The following FBXL5 variants were observed in gnomAD, a reference collection of about 807,000 sequenced individuals.
FBXL5 encodes F-box and leucine rich repeat protein 5.
In FBXL5, 26 loss-of-function variants were observed where a neutral mutation model predicts 78.3. The ratio of observed to expected loss-of-function variants is 0.33; its 90% confidence interval spans 0.24 to 0.46. The LOEUF (loss-of-function observed/expected upper bound fraction) is 0.46, where lower values mean the gene tolerates loss of function less well. Ranked by LOEUF, FBXL5 falls within the 20% of genes least tolerant of loss-of-function variation. FBXL5 has a pLI of 1.00. For synonymous variants in FBXL5, 295 were observed against 282.5 expected, an observed-to-expected ratio of 1.04 and a Z score of -0.45; for missense variants, 710 against 829.2, an observed-to-expected ratio of 0.86 and a Z score of 1.77.
intron 9 of FBXL5, among the ~76,000 whole-genome samples, chr4:15,623,108 T>C (rs1712650186): frequency 6.6e-6 from 1 of 152,130 alleles, no homozygotes; most frequent in East Asian, 1.9e-4. Context: ...ACTCTCTGCC[T>C]TTTCAGGAAG....
intron 1 of FBXL5, among the ~76,000 whole-genome samples, chr4:15,653,975 T>C (rs966281603): frequency 2.0e-5 from 3 of 152,244 alleles, no homozygotes; most frequent in Admixed American, 6.5e-5. Flanking sequence ...ACAGTCCTGG[T>C]GTTTCCAACT....
In FBXL5 at chr4:15,627,762, T is replaced by C. The variant is rs145078928; in HGVS notation, c.1041+123A>G. ...TAACCTAGCAGTGTATGCCTACCCA[T>C]AGGAAGGCACTCAATAATCATTTTT... On this transcript the variant is annotated intron_variant, in intron 7 of 10. Transcript: ENST00000341285. 4.2e-5 allele frequency: 34 copies of C among 808,822 alleles called. No homozygotes were observed. The East Asian group carries it at 5.9e-4, about 14-fold the overall frequency. The allele number at this position is 808,822 out of a possible 1,614,324, so 50.1% of individuals were successfully genotyped here. A position where few individuals can be genotyped will look rare whatever the true frequency, so the allele number is the denominator to read the frequency against.
In FBXL5 at chr4:15,638,564, T is replaced by C. The variant is rs769107832; in HGVS notation, c.527A>G (p.His176Arg). The change falls in exon 4 of 11, where the codon CAT becomes CGT. Residue 176 changes from histidine to arginine, a missense_variant. His to Arg is a conservative substitution (Grantham distance 29). This residue lies in a region of FBXL5 where 517 missense variants were observed against 542.9 expected (regional missense o/e 0.95). Transcript: ENST00000341285. Reference sequence around the variant, plus strand: ...AAAAAACTTCTGTCGCTCTTCAGCATGATTCCATAGGCTAAGACCTCTAAG... The same window carrying C: ...AAAAAACTTCTGTCGCTCTTCAGCACGATTCCATAGGCTAAGACCTCTAAG... ...ELLRGLSLWN[H>R]AEERQKFFKY... 3 of 1,607,688 alleles carry C rather than the reference T, an allele frequency of 1.9e-6. No homozygotes were observed. Among genetic ancestry groups the C allele is most frequent in the African/African-American group, 2.7e-5 (2 of 74,510 alleles).
intron 1 of FBXL5, among the ~76,000 whole-genome samples, chr4:15,649,174 A>G (rs570976728): frequency 3.3e-5 from 5 of 152,266 alleles, no homozygotes; most frequent in African/African-American, 1.2e-4. Context: ...CAAAAAAAAA[A>G]GAGCAACAGA....
intron 10 of FBXL5, among the ~76,000 whole-genome samples, chr4:15,609,764 T>C (rs1418561236): frequency 1.3e-5 from 2 of 152,070 alleles, no homozygotes; most frequent in Admixed American, 1.3e-4. Flanking sequence ...CAGAAGAATC[T>C]AGACTTGCAT....
intron 10 of FBXL5, among the ~76,000 whole-genome samples, 182 bp from the exon 11 acceptor site, chr4:15,605,981 T>C (rs1205498244): frequency 6.6e-6 from 1 of 152,248 alleles, no homozygotes; most frequent in Non-Finnish European, 1.5e-5. Flanking sequence ...AGCTTGACTT[T>C]AATTAATATA....
upstream of FBXL5, among the ~76,000 whole-genome samples, chr4:15,658,651 C>A (rs1455818416): frequency 6.6e-6 from 1 of 152,172 alleles, no homozygotes; most frequent in Non-Finnish European, 1.5e-5. Context: ...GATGCAGCCC[C>A]TTGACCATAG....
At chr4:15,624,262 A>G (rs183132098) in intron 9 of FBXL5, among the ~76,000 whole-genome samples, 1 of 152,326 alleles carries the variant, frequency 6.6e-6, no homozygotes, top group Admixed American at 6.5e-5. Context: ...GCTCATGTCA[A>G]AGATAATCGA....
chr4:15,617,895 A>G (rs189105195), intron 9 of FBXL5, among the ~76,000 whole-genome samples: 31 of 152,360 alleles, frequency 2.0e-4, no homozygotes, highest in Admixed American at 1.8e-3. Context: ...TGCTCTGTGC[A>G]GCAAACCACC....
At chr4:15,653,555 T>A (rs922654419) in intron 1 of FBXL5, among the ~76,000 whole-genome samples, 1 of 152,134 alleles carries the variant, frequency 6.6e-6, no homozygotes, top group Non-Finnish European at 1.5e-5. Context: ...TAATTTCAGG[T>A]GATCCTAGGC....
At chr4:15,657,328 T>C (rs936487559), upstream of FBXL5, among the ~76,000 whole-genome samples, 3 of 152,234 alleles carry the variant, frequency 2.0e-5, no homozygotes, top group African/African-American at 7.2e-5. Context: ...AAGTGAGTAT[T>C]CAGTAAATAT....
intron 9 of FBXL5, among the ~76,000 whole-genome samples, chr4:15,620,727 A>G (rs769032617): frequency 3.3e-4 from 50 of 152,396 alleles, no homozygotes; most frequent in Non-Finnish European, 2.8e-4. Context: ...CATGATGGCC[A>G]TAACGCCCAA....
chr4:15,660,322 A>G (rs1227590093), upstream of FBXL5, among the ~76,000 whole-genome samples: 1 of 152,082 alleles, frequency 6.6e-6, no homozygotes, highest in African/African-American at 2.4e-5. Context: ...GCTTCAAGCA[A>G]TCCTCCCACA....
chr4:15,647,430 A>G (rs1452679280), intron 1 of FBXL5, among the ~76,000 whole-genome samples: 4 of 152,252 alleles, frequency 2.6e-5, no homozygotes, highest in African/African-American at 9.6e-5. Flanking sequence ...TTGAGCATCT[A>G]TGGAGTTTGG....
chr4:15,667,972 T>C (rs1009264183), intron 1 of FBXL5, among the ~76,000 whole-genome samples: 1 of 149,526 alleles, frequency 6.7e-6, no homozygotes, highest in Non-Finnish European at 1.5e-5. Context: ...ACTCGGGAGG[T>C]GGAGGTTGCG....
intron 9 of FBXL5, among the ~76,000 whole-genome samples, chr4:15,614,547 C>A (rs957850117): frequency 2.6e-5 from 4 of 152,078 alleles, no homozygotes; most frequent in African/African-American, 9.7e-5. Flanking sequence ...AGATTATGTC[C>A]TTGGTCTTTG....
chr4:15,621,412 A>G (rs903213398), intron 9 of FBXL5, among the ~76,000 whole-genome samples: 2 of 152,232 alleles, frequency 1.3e-5, no homozygotes, highest in Non-Finnish European at 2.9e-5. Flanking sequence ...TGTACACTGA[A>G]TTAAACAAGA....
intron 8 of FBXL5, 46 bp from the exon 9 acceptor site, chr4:15,626,023 C>T (rs1713025324): frequency 6.8e-7 from 1 of 1,479,546 alleles, no homozygotes. Context: ...TTAAATTTTT[C>T]AAAAGCATTT....
chr4:15,647,458 A>C (rs1252311167), intron 1 of FBXL5, among the ~76,000 whole-genome samples: 1 of 152,126 alleles, frequency 6.6e-6, no homozygotes, highest in Non-Finnish European at 1.5e-5. Context: ...GGGTGTCCTG[A>C]AAACAATCTC....
Sources: allele counts gnomAD v4.1 joint callset (sites outside exome capture counted in the v4.1 genomes callset), GRCh38; gene constraint gnomAD v4.1.1; regional missense constraint gnomAD v4.1.1; transcripts MANE v1.5; gene names NCBI Gene and HGNC (gene_info 2026-07-23, HGNC 2026-07-21).